The following WDPCP variants were observed in gnomAD, a reference collection of about 807,000 sequenced individuals.
WDPCP encodes the protein WD repeat containing planar cell polarity effector.
WDPCP carries 71 observed loss-of-function variants against 93.1 expected under a neutral mutation model. The ratio of observed to expected loss-of-function variants is 0.76; its 90% confidence interval spans 0.63 to 0.93. The LOEUF is 0.93. Ranked by LOEUF, WDPCP falls within the 40% of genes least tolerant of loss-of-function variation. The pLI, the probability that WDPCP is intolerant of heterozygous loss-of-function variation, is 0.00. For missense variants in WDPCP, 844 were observed against 887.4 expected (o/e 0.95, Z 0.62); for synonymous variants, 315 against 315.0 (o/e 1.00, Z 0.00).
chr2:63,358,796 T>C (rs925556340), intron 12 of WDPCP, among the ~76,000 whole-genome samples: 1 of 152,166 alleles, frequency 6.6e-6, no homozygotes, highest in Non-Finnish European at 1.5e-5. Context: ...TCAGCATAGA[T>C]GCAATTTAAA....
rs1668776529 is a variant in WDPCP, at chr2:63,684,407, A to C, written n.309-33569T>G. Reference sequence around the variant, plus strand: ...TGAAGAACATTGATGATGGCACCTCAGATCGCCCCTACAGCCACCTCTGGT... The same window carrying C: ...TGAAGAACATTGATGATGGCACCTCCGATCGCCCCTACAGCCACCTCTGGT... On this transcript the variant is annotated intron_variant and non_coding_transcript_variant, in intron 2 of 4. Transcript: ENST00000467687. 5 of 821,008 alleles carry C rather than the reference A, an allele frequency of 6.1e-6. No individual in the cohort carries two copies. The Admixed American group carries it at 9.3e-5, about 15-fold the overall frequency. 50.9% of individuals were successfully genotyped at this position (821,008 alleles called of 1,614,324 possible).
chr2:63,664,385 G>C (rs1710261471), intron 2 of WDPCP, among the ~76,000 whole-genome samples: 1 of 152,164 alleles, frequency 6.6e-6, no homozygotes, highest in Non-Finnish European at 1.5e-5. Flanking sequence ...TCTGCAGCTG[G>C]TACCATCAAC....
chr2:63,341,280 C>A (rs1383830039), intron 12 of WDPCP, among the ~76,000 whole-genome samples: 1 of 152,136 alleles, frequency 6.6e-6, no homozygotes, highest in East Asian at 1.9e-4. Flanking sequence ...AGGAGCGCAC[C>A]ACCATGCCCA....
At chr2:63,781,050 T>C (rs1255369849) in intron 2 of WDPCP, among the ~76,000 whole-genome samples, 1 of 152,236 alleles carries the variant, frequency 6.6e-6, no homozygotes, top group Admixed American at 6.5e-5. Context: ...GAACCAGGTC[T>C]GTTACAGAAT....
At chr2:63,692,934 G>A (rs1310868573) in intron 2 of WDPCP, among the ~76,000 whole-genome samples, 1 of 152,126 alleles carries the variant, frequency 6.6e-6, no homozygotes, top group African/African-American at 2.4e-5. Context: ...CACTGGCTAT[G>A]TGCTACATAA....
Position 63,282,384 on chromosome 2 carries a change from A to G in WDPCP, c.1813-22975T>C, listed in dbSNP as rs367892657. 5.1e-4 allele frequency among the ~76,000 whole-genome samples: 77 copies of G among 152,342 alleles called. 3 individuals carry two copies. In the South Asian group the frequency reaches 0.016, roughly 31 times the overall value. On this transcript the variant is annotated intron_variant, in intron 13 of 17. Coordinates refer to ENST00000272321, the MANE Select transcript of WDPCP (RefSeq NM_015910.7). Reference sequence around the variant, plus strand: ...GCTGGGCGTGGTGGTGCGTACCTGTAGTCCCAGCTACTCAGGAGGCTGAGG... The same window carrying G: ...GCTGGGCGTGGTGGTGCGTACCTGTGGTCCCAGCTACTCAGGAGGCTGAGG...
the WDPCP span, among the ~76,000 whole-genome samples, chr2:63,837,278 T>C: frequency 6.6e-6 from 1 of 152,220 alleles, no homozygotes; most frequent in African/African-American, 2.4e-5. Flanking sequence ...TTAAGCCCGT[T>C]TGGTTACCTT....
intron 11 of WDPCP, among the ~76,000 whole-genome samples, chr2:63,380,522 C>T (rs971485789): frequency 1.3e-5 from 2 of 152,016 alleles, no homozygotes; most frequent in African/African-American, 4.8e-5. Context: ...AGGCAGATCA[C>T]TTGAGGCCAA....
chr2:63,362,575 G>A (rs901476903), intron 12 of WDPCP, among the ~76,000 whole-genome samples: 2 of 151,828 alleles, frequency 1.3e-5, no homozygotes, highest in African/African-American at 4.8e-5. Flanking sequence ...AATCTCTAAG[G>A]TGTTCCCATA....
At chr2:63,329,497 T>C (rs1158664740) in intron 12 of WDPCP, among the ~76,000 whole-genome samples, 1 of 152,224 alleles carries the variant, frequency 6.6e-6, no homozygotes, top group African/African-American at 2.4e-5. Flanking sequence ...ATTTGAATTC[T>C]ATTTAATTCT....
chr2:63,186,117 T>G (rs1417134961), intron 14 of WDPCP, among the ~76,000 whole-genome samples: 1 of 152,088 alleles, frequency 6.6e-6, no homozygotes, highest in African/African-American at 2.4e-5. Context: ...TCTCACTCCT[T>G]AGAACCAATG....
At chr2:63,203,319 A>G (rs540054416) in intron 14 of WDPCP, among the ~76,000 whole-genome samples, 2 of 152,238 alleles carry the variant, frequency 1.3e-5, no homozygotes, top group East Asian at 1.9e-4. Context: ...AAACAATCCA[A>G]TTATACTCTT....
chr2:63,311,489 TG>T (rs1282852969), intron 13 of WDPCP, among the ~76,000 whole-genome samples: 1 of 152,206 alleles, frequency 6.6e-6, no homozygotes, highest in African/African-American at 2.4e-5. Context: ...AAGCAGACCT[TG>T]GGCTATCAAT....
intron 17 of WDPCP, among the ~76,000 whole-genome samples, chr2:63,130,006 G>A (rs920681271): frequency 2.0e-5 from 3 of 152,188 alleles, no homozygotes; most frequent in African/African-American, 7.2e-5. Flanking sequence ...GGAATCCACA[G>A]ATGAGGAACT....
At chr2:63,781,954 A>G (rs186500677) in intron 2 of WDPCP, among the ~76,000 whole-genome samples, 51 of 152,054 alleles carry the variant, frequency 3.4e-4, no homozygotes, top group African/African-American at 1.2e-3. Flanking sequence ...AGGAGAACTT[A>G]GAGCAATGAC....
chr2:63,313,408 CCTT>C (rs1185202895), intron 12 of WDPCP, 97 bp from the exon 13 acceptor site: 1 of 1,228,970 alleles, frequency 8.1e-7, no homozygotes, highest in East Asian at 2.6e-5. Flanking sequence ...CTGTTTTTGT[CCTT>C]CTGATTGGAA....
intron 3 of WDPCP, among the ~76,000 whole-genome samples, chr2:63,600,253 T>C (rs949230889): frequency 1.3e-5 from 2 of 152,240 alleles, no homozygotes; most frequent in African/African-American, 4.8e-5. Flanking sequence ...CTACTGTAAA[T>C]TGAATGCTAT....
chr2:63,146,501 C>A (rs1034046547), intron 17 of WDPCP, among the ~76,000 whole-genome samples: 2 of 151,044 alleles, frequency 1.3e-5, no homozygotes, highest in Non-Finnish European at 2.9e-5. Context: ...GCCTCCGCCT[C>A]CTGAGTAGCT....
intron 1 of WDPCP, among the ~76,000 whole-genome samples, chr2:63,814,555 C>A (rs1670904793): frequency 6.6e-6 from 1 of 152,198 alleles, no homozygotes; most frequent in Non-Finnish European, 1.5e-5. Context: ...ACAAACTCCT[C>A]TAGTTTAAGA....
Sources: allele counts gnomAD v4.1 joint callset (sites outside exome capture counted in the v4.1 genomes callset), GRCh38; gene constraint gnomAD v4.1.1; transcripts MANE v1.5; gene names NCBI Gene and HGNC (gene_info 2026-07-23, HGNC 2026-07-21).